Variants in PTPRN2 observed in about 807,000 individuals in gnomAD.
The protein encoded by PTPRN2 is protein tyrosine phosphatase receptor type N2, also known as receptor-type tyrosine-protein phosphatase N2.
Under a neutral mutation model 118.8 loss-of-function variants are expected in PTPRN2, and 74 were observed. That is an observed-to-expected ratio of 0.62 (90% CI 0.52 to 0.76). The LOEUF (loss-of-function observed/expected upper bound fraction) is 0.76, where lower values mean the gene tolerates loss of function less well. PTPRN2 is among the 30% of genes least tolerant of loss of function. The probability of loss-of-function intolerance (pLI) is 0.00; values close to 1 mark genes in which losing one functional copy is unlikely to be tolerated. For missense variants in PTPRN2, 1,481 were observed against 1,394.4 expected (o/e 1.06, Z -0.99); for synonymous variants, 641 against 608.0 (o/e 1.05, Z -0.80).
intron 13 of PTPRN2, among the ~76,000 whole-genome samples, chr7:157,666,244 C>T (rs1366173432): frequency 1.3e-5 from 2 of 152,146 alleles, no homozygotes; most frequent in East Asian, 1.9e-4. Context: ...GAGCTCACAT[C>T]TTTCCGGAAA....
At chr7:157,855,256 C>T (rs1280618136) in intron 12 of PTPRN2, among the ~76,000 whole-genome samples, 1 of 152,138 alleles carries the variant, frequency 6.6e-6, no homozygotes, top group Admixed American at 6.5e-5. Context: ...CTTGCTGACT[C>T]TCGTGCTCTG....
chr7:157,941,270 A>C (rs1464613146), intron 11 of PTPRN2, among the ~76,000 whole-genome samples: 76 of 23,916 alleles, frequency 3.2e-3, no homozygotes, highest in Non-Finnish European at 3.7e-3. Context: ...CACCCTCCCC[A>C]CCACGACACT....
At chr7:157,829,679 T>C (rs1328330279) in intron 12 of PTPRN2, among the ~76,000 whole-genome samples, 1 of 152,234 alleles carries the variant, frequency 6.6e-6, no homozygotes, top group Non-Finnish European at 1.5e-5. Context: ...AGCATGACCG[T>C]GCACCCACCT....
At chr7:158,377,572 G>A (rs1022504210) in intron 2 of PTPRN2, among the ~76,000 whole-genome samples, 9 of 152,130 alleles carry the variant, frequency 5.9e-5, no homozygotes, top group East Asian at 1.9e-4. Context: ...TGGCTGGCTC[G>A]GCTTGGGGGT....
At chr7:158,498,285 T>C (rs1822101120) in intron 1 of PTPRN2, among the ~76,000 whole-genome samples, 1 of 152,232 alleles carries the variant, frequency 6.6e-6, no homozygotes, top group Admixed American at 6.5e-5. Flanking sequence ...TGTCATTTAT[T>C]TTTAGGAAAA....
intron 14 of PTPRN2, among the ~76,000 whole-genome samples, chr7:157,639,665 C>T (rs1304561801): frequency 6.6e-6 from 1 of 152,252 alleles, no homozygotes; most frequent in Non-Finnish European, 1.5e-5. Flanking sequence ...GGATTCCCTA[C>T]ATCTAAAATC....
Position 157,986,659 on chromosome 7 carries a change from A to G in PTPRN2, c.1724-87922T>C, listed in dbSNP as rs1803813938. ...AGCATTACCACGGTTTGATATTAGGACTGCTTGATTCAAGCCAATAGTGCT... is the reference window on the plus strand; with the variant it reads ...AGCATTACCACGGTTTGATATTAGGGCTGCTTGATTCAAGCCAATAGTGCT... On this transcript the variant is annotated intron_variant, in intron 11 of 22. Coordinates refer to ENST00000389418, the MANE Select transcript of PTPRN2 (RefSeq NM_002847.5). The surrounding 1 kb of genome is among the most constrained non-coding windows in gnomAD (Gnocchi z 4.5). 6.6e-6 allele frequency among the ~76,000 whole-genome samples: 1 copy of G among 152,134 alleles called. No homozygotes were observed. The highest frequency in any genetic ancestry group is 2.1e-4 in the South Asian group (1 of 4,818).
At position 157,813,150 on chromosome 7, in the gene PTPRN2, G is replaced by A. The variant is rs541782826; in HGVS notation, c.1788+85523C>T. 1.2e-4 allele frequency among the ~76,000 whole-genome samples: 19 copies of A among 152,234 alleles called. No individual in the cohort carries two copies. Among genetic ancestry groups the A allele is most frequent in the South Asian group, 8.3e-4 (4 of 4,826 alleles). On this transcript the variant is annotated intron_variant, in intron 12 of 22. Coordinates refer to ENST00000389418, the MANE Select transcript of PTPRN2 (RefSeq NM_002847.5). The surrounding 1 kb of genome is among the most constrained non-coding windows in gnomAD (Gnocchi z 4.7). The stretch of plus-strand genomic sequence containing the variant: ...GCAGCCTCCCCCAAGCCAACCACCC[G>A]GGCCCACAGACAAGCATCTCCAGAG...
intron 13 of PTPRN2, among the ~76,000 whole-genome samples, chr7:157,669,856 C>T (rs748696751): frequency 1.3e-5 from 2 of 152,122 alleles, no homozygotes; most frequent in African/African-American, 2.4e-5. Context: ...ACCTCGAGGC[C>T]GGGCTCCGGG....
At chr7:157,597,091 C>T (rs954930908) in intron 16 of PTPRN2, among the ~76,000 whole-genome samples, 1 of 152,168 alleles carries the variant, frequency 6.6e-6, no homozygotes, top group African/African-American at 2.4e-5. Flanking sequence ...ACCAAATGCA[C>T]CTTATAATTA....
At chr7:158,316,022 C>T (rs1367427237) in intron 3 of PTPRN2, among the ~76,000 whole-genome samples, 1 of 152,168 alleles carries the variant, frequency 6.6e-6, no homozygotes, top group African/African-American at 2.4e-5. Context: ...GCTGTGGCCA[C>T]CCTTGAGTCC....
chr7:157,576,699 C>G lies in PTPRN2; in HGVS notation c.2697G>C (p.Glu899Asp), dbSNP rs2150525015. ...SFYLKNLQTN[E>D]TRTVTQFHFL... is the part of the protein sequence containing the mutation. The stretch of plus-strand genomic sequence containing the variant: ...AGTGGAACTGCGTCACGGTGCGCGT[C>G]TCGTTGGTCTGCAGGTTCTTCAGAT... The change falls in exon 19 of 23, where the codon GAG (glutamate) becomes GAC (aspartate). Residue 899 changes from glutamate (E) to aspartate (D), a missense_variant. Around this residue, in one of 3 missense-constraint regions of PTPRN2, gnomAD observed 362 missense variants for 384.1 expected, o/e 0.94. Transcript: ENST00000389418. 6.2e-7 allele frequency: 1 copy of G among 1,611,012 alleles called. No homozygotes were observed. The highest frequency in any genetic ancestry group is 8.5e-7 in the Non-Finnish European group (1 of 1,178,408).
chr7:158,125,316 C>T (rs1217645126), intron 9 of PTPRN2, among the ~76,000 whole-genome samples: 6 of 151,424 alleles, frequency 4.0e-5, no homozygotes, highest in South Asian at 4.2e-4. Context: ...CCTCCCAGGG[C>T]CACCTCCCTG....
intron 2 of PTPRN2, among the ~76,000 whole-genome samples, chr7:158,450,898 C>T (rs891211168): frequency 1.3e-4 from 20 of 152,210 alleles, no homozygotes; most frequent in African/African-American, 4.3e-4. Flanking sequence ...AAACACACCT[C>T]TCCACATTCC....
intron 10 of PTPRN2, among the ~76,000 whole-genome samples, chr7:158,101,281 C>G (rs988664260): frequency 6.6e-6 from 1 of 152,158 alleles, no homozygotes; most frequent in South Asian, 2.1e-4. Context: ...AAAGGACACT[C>G]TAGTCAAAAA....
chr7:157,569,062 G>C, intron 20 of PTPRN2, 96 bp from the exon 21 acceptor site: 1 of 1,208,294 alleles, frequency 8.3e-7, no homozygotes, highest in Non-Finnish European at 1.2e-6. Context: ...CCTGCTTACG[G>C]GGGCCGGCGA....
At chr7:158,251,476 A>C (rs547994805) in intron 3 of PTPRN2, among the ~76,000 whole-genome samples, 413 of 105,210 alleles carry the variant, frequency 3.9e-3, no homozygotes, top group Middle Eastern at 0.018. Flanking sequence ...CAATGGATGT[A>C]TATGGTGCAC....
intron 11 of PTPRN2, among the ~76,000 whole-genome samples, chr7:158,045,881 T>C (rs1434504481): frequency 7.0e-6 from 1 of 143,372 alleles, no homozygotes; most frequent in Non-Finnish European, 1.5e-5. Context: ...CCTTGTTCTG[T>C]CCAGGAGCAG....
At chr7:157,571,069 C>A (rs1181172489) in intron 20 of PTPRN2, among the ~76,000 whole-genome samples, 2 of 152,056 alleles carry the variant, frequency 1.3e-5, no homozygotes, top group African/African-American at 4.8e-5. Context: ...AATGGTGAAA[C>A]CTCGTCTCTA....
Sources: allele counts gnomAD v4.1 joint callset (sites outside exome capture counted in the v4.1 genomes callset), GRCh38; gene constraint gnomAD v4.1.1; regional missense constraint gnomAD v4.1.1; non-coding constraint Gnocchi (gnomAD v3.1); transcripts MANE v1.5; gene names NCBI Gene and HGNC (gene_info 2026-07-23, HGNC 2026-07-21).